Variants in MYCBP2 observed in about 807,000 individuals in gnomAD.
MYCBP2 encodes E3 ubiquitin-protein ligase MYCBP2.
Under a neutral mutation model 525.3 loss-of-function variants are expected in MYCBP2, and 120 were observed. The observed-to-expected ratio is 0.23, with a 90% CI of 0.20 to 0.27. The LOEUF (loss-of-function observed/expected upper bound fraction) is 0.27. Among genes scored for constraint, MYCBP2 ranks in the 10% least tolerant of loss-of-function variants. The pLI, the probability that MYCBP2 is intolerant of heterozygous loss-of-function variation, is 1.00. For missense variants in MYCBP2, 4,149 were observed against 5,657.1 expected, an observed-to-expected ratio of 0.73 and a Z score of 8.55; for synonymous variants, 1,894 against 1,955.8, an observed-to-expected ratio of 0.97 and a Z score of 0.83.
At chr13:77,115,165 C>T (rs530792903) in intron 55 of MYCBP2, among the ~76,000 whole-genome samples, 2 of 151,958 alleles carry the variant, frequency 1.3e-5, no homozygotes, top group Non-Finnish European at 1.5e-5. Flanking sequence ...TCAATAAACA[C>T]TCCTTGAATG....
At chr13:77,054,258 G>A (rs747940364) in intron 80 of MYCBP2, among the ~76,000 whole-genome samples, 3 of 152,156 alleles carry the variant, frequency 2.0e-5, no homozygotes, top group Admixed American at 6.5e-5. Context: ...GAGCAGACAG[G>A]GCTGAGTTTG....
chr13:77,214,393 T>C (rs2154286271), intron 21 of MYCBP2, among the ~76,000 whole-genome samples: 1 of 151,662 alleles, frequency 6.6e-6, no homozygotes, highest in East Asian at 1.9e-4. Context: ...TATATAAACA[T>C]GAGAAACTGA....
At chr13:77,064,461 A>C (rs1429623245) in intron 73 of MYCBP2, among the ~76,000 whole-genome samples, 154 bp downstream of exon 73, 1 of 152,244 alleles carries the variant, frequency 6.6e-6, no homozygotes, top group Non-Finnish European at 1.5e-5. Context: ...TTCATAATAT[A>C]AAAGCCCTTT....
At chr13:77,151,314 C>T (rs2056418806) in intron 46 of MYCBP2, among the ~76,000 whole-genome samples, 1 of 152,210 alleles carries the variant, frequency 6.6e-6, no homozygotes, top group African/African-American at 2.4e-5. Flanking sequence ...AGTGTAAATG[C>T]TTTCCCACAA....
chr13:77,171,803 AAAAC>A (rs1474737262), intron 37 of MYCBP2, among the ~76,000 whole-genome samples, 169 bp from the exon 38 acceptor site: 1 of 152,264 alleles, frequency 6.6e-6, no homozygotes, highest in African/African-American at 2.4e-5. Context: ...GCTTTGAAGA[AAAAC>A]AAAGCAGCAT....
At chr13:77,312,435 C>T (rs1015959417) in intron 1 of MYCBP2, among the ~76,000 whole-genome samples, 1 of 151,872 alleles carries the variant, frequency 6.6e-6, no homozygotes, top group Non-Finnish European at 1.5e-5. Context: ...ACAACTATAA[C>T]ATAAAGGTCT....
At chr13:77,064,500 T>A in intron 73 of MYCBP2, 115 bp downstream of exon 73, 1 of 1,208,244 alleles carries the variant, frequency 8.3e-7, no homozygotes. Context: ...CGGTATTTGG[T>A]TAAAAAATAA....
intron 79 of MYCBP2, 44 bp from the exon 80 acceptor site, chr13:77,055,811 C>A (rs765847806): frequency 1.4e-6 from 2 of 1,429,970 alleles, no homozygotes; most frequent in Admixed American, 1.8e-5. Context: ...CATTTATTAA[C>A]CAACTCAACA....
intron 1 of MYCBP2, among the ~76,000 whole-genome samples, chr13:77,299,342 G>T (rs574648815): frequency 6.6e-6 from 1 of 152,264 alleles, no homozygotes; most frequent in African/African-American, 2.4e-5. Context: ...TTAATTGGTT[G>T]TAACAATTCT....
chr13:77,196,967 T>C (rs1434810728), intron 26 of MYCBP2, among the ~76,000 whole-genome samples: 3 of 152,176 alleles, frequency 2.0e-5, no homozygotes, highest in African/African-American at 7.2e-5. Flanking sequence ...GTCAGGAAGA[T>C]GATGAGCAAC....
At chr13:77,160,871 T>C (rs1018312349) in intron 44 of MYCBP2, among the ~76,000 whole-genome samples, 3 of 152,208 alleles carry the variant, frequency 2.0e-5, no homozygotes, top group African/African-American at 4.8e-5. Flanking sequence ...AAAATGTCTT[T>C]TATTTTATAA....
rs1464291198 is a variant in MYCBP2 at position 77,287,794 on chromosome 13, C to T, written c.594+367G>A. Among the ~76,000 whole-genome samples, 5 of 152,136 alleles carry T rather than the reference C, an allele frequency of 3.3e-5. 1 individual carries two copies. In the East Asian group the frequency reaches 9.7e-4, roughly 30 times the overall value. ...AGGGCTCTTGGCTTTCTCTTGTGCC[C>T]ACCTTACTCTCGGCTCACTGGCTCA... On this transcript the variant is annotated intron_variant, in intron 3 of 82. Transcript: ENST00000544440.
Position 77,267,352 on chromosome 13 carries a change from T to C in MYCBP2, c.1357+489A>G, listed in dbSNP as rs2074243328. ...TGATGAAATTAAAAAAAAAAATTCC[T>C]GACCTACCCTAAACTCTCTGTCTCT... On this transcript the variant is annotated intron_variant, in intron 8 of 82. Transcript: ENST00000544440. Among the ~76,000 whole-genome samples, 5 of 151,448 alleles carry C rather than the reference T, an allele frequency of 3.3e-5. No homozygotes were observed. In the South Asian group the frequency reaches 1.0e-3, roughly 31 times the overall value.
chr13:77,271,817 C>T (rs374229415), intron 5 of MYCBP2, among the ~76,000 whole-genome samples: 5 of 152,166 alleles, frequency 3.3e-5, no homozygotes, highest in South Asian at 2.1e-4. Flanking sequence ...CTATCAGCAG[C>T]GTGAAAACGG....
intron 15 of MYCBP2, among the ~76,000 whole-genome samples, chr13:77,247,876 T>C (rs1438964845): frequency 6.6e-6 from 1 of 151,786 alleles, no homozygotes; most frequent in African/African-American, 2.4e-5. Flanking sequence ...TCTAGCAGCA[T>C]ATACAAAAAT....
intron 46 of MYCBP2, among the ~76,000 whole-genome samples, chr13:77,151,981 T>C (rs766380138): frequency 1.7e-4 from 26 of 152,186 alleles, no homozygotes; most frequent in Non-Finnish European, 3.1e-4. Context: ...CTACAGACAA[T>C]AGTTTTGTGG....
In MYCBP2 at chr13:77,083,199, C is replaced by T; in HGVS notation, c.10876-7G>A. 6.2e-7 allele frequency: 1 copy of T among 1,609,834 alleles called. No homozygotes were observed. Among genetic ancestry groups the T allele is most frequent in the South Asian group, 1.1e-5 (1 of 90,494 alleles). On this transcript the variant is annotated splice_polypyrimidine_tract_variant and splice_region_variant and intron_variant, in intron 62 of 82. Transcript: ENST00000544440. ...ATACTCTTGTATCTTTCTCCTAAGG[C>T]AGAAATTGAAACAAGTTTATCAGTT...
chr13:77,226,738 A>G (rs945991561), intron 18 of MYCBP2, among the ~76,000 whole-genome samples: 6 of 152,158 alleles, frequency 3.9e-5, no homozygotes, highest in Admixed American at 3.3e-4. Context: ...CTACATTATT[A>G]CTTTCCTTTC....
At chr13:77,315,785 C>T (rs879321981) in intron 1 of MYCBP2, among the ~76,000 whole-genome samples, 3 of 151,120 alleles carry the variant, frequency 2.0e-5, no homozygotes, top group Non-Finnish European at 4.4e-5. Flanking sequence ...ATCCCAGCTA[C>T]TCAGGAAGCT....
Sources: gnomAD v4.1 joint callset for allele counts (sites outside exome capture counted in the v4.1 genomes callset) on GRCh38, gnomAD v4.1.1 for gene constraint, MANE v1.5 for transcripts, NCBI Gene and HGNC (gene_info 2026-07-23, HGNC 2026-07-21) for gene names.